Variants in GLIS3 observed in about 807,000 individuals in gnomAD.
The protein encoded by GLIS3 is GLIS family zinc finger 3, also known as zinc finger protein GLIS3.
A neutral mutation model predicts 78.6 loss-of-function variants in GLIS3; 53 were observed. The observed-to-expected ratio is 0.67, with a 90% confidence interval of 0.54 to 0.85. The LOEUF (loss-of-function observed/expected upper bound fraction) is 0.85, where lower values mean the gene tolerates loss of function less well. Among genes scored for constraint, GLIS3 ranks in the 40% least tolerant of loss-of-function variants. GLIS3 has a pLI of 0.00. For synonymous variants in GLIS3, 684 were observed against 509.9 expected (o/e 1.34, Z -4.60); for missense variants, 1,703 against 1,231.1 (o/e 1.38, Z -5.74).
chr9:4,227,777 G>A (rs1167232428), intron 2 of GLIS3, among the ~76,000 whole-genome samples: 1 of 152,208 alleles, frequency 6.6e-6, no homozygotes, highest in Non-Finnish European at 1.5e-5. Flanking sequence ...GAACTCCCTT[G>A]AGGAAGGAAA....
At chr9:3,922,855 T>A (rs1312576921) in intron 6 of GLIS3, among the ~76,000 whole-genome samples, 1 of 152,132 alleles carries the variant, frequency 6.6e-6, no homozygotes, top group Non-Finnish European at 1.5e-5. Flanking sequence ...AAGCTTCAAC[T>A]TTATGGTTGG....
intron 2 of GLIS3, among the ~76,000 whole-genome samples, chr9:4,196,928 C>G (rs147510723): frequency 6.6e-6 from 1 of 152,174 alleles, no homozygotes; most frequent in Admixed American, 6.5e-5. Context: ...CAGTAGGGCC[C>G]TCTCCGCTCC....
At chr9:4,258,706 G>C (rs1002379450) in intron 2 of GLIS3, among the ~76,000 whole-genome samples, 1 of 152,076 alleles carries the variant, frequency 6.6e-6, no homozygotes, top group Non-Finnish European at 1.5e-5. Context: ...GCAGAACTGG[G>C]GGTGATCTTA....
At chr9:4,086,284 A>T (rs553874066) in intron 4 of GLIS3, among the ~76,000 whole-genome samples, 1 of 152,166 alleles carries the variant, frequency 6.6e-6, no homozygotes, top group African/African-American at 2.4e-5. Flanking sequence ...CATGACCTCT[A>T]TGAAACTTCC....
At chr9:4,381,233 T>A in the GLIS3 span, among the ~76,000 whole-genome samples, 3 of 152,216 alleles carry the variant, frequency 2.0e-5, no homozygotes, top group African/African-American at 7.2e-5. Flanking sequence ...CATGAAAATA[T>A]CTTTAAAAAG....
chr9:3,983,424 T>C lies in GLIS3; in HGVS notation c.1711-46235A>G, dbSNP rs570599872. Among the ~76,000 whole-genome samples the C allele has an allele frequency of 2.0e-5, 3 of 152,292 alleles. No individual in the cohort carries two copies. In the East Asian group the frequency reaches 5.8e-4, roughly 29 times the overall value. ...TGGTACCAGCAGAGGGGGGCACTAC[T>C]GTAGATACTTAAAAATGTGGAAGCG... On this transcript the variant is annotated intron_variant, in intron 4 of 10. Transcript: ENST00000381971.
At chr9:4,066,051 AAAAG>A (rs1244705839) in intron 4 of GLIS3, among the ~76,000 whole-genome samples, 1 of 151,756 alleles carries the variant, frequency 6.6e-6, no homozygotes, top group African/African-American at 2.4e-5. Context: ...AAAAAAAAAA[AAAAG>A]AAACAGGCGA....
intron 8 of GLIS3, among the ~76,000 whole-genome samples, chr9:3,857,264 G>A (rs375196339): frequency 6.6e-6 from 1 of 152,210 alleles, no homozygotes; most frequent in African/African-American, 2.4e-5. Flanking sequence ...TAGAAAGACA[G>A]GCTTTGTTTT....
chr9:4,154,238 G>A (rs1349202444), intron 2 of GLIS3, among the ~76,000 whole-genome samples: 2 of 152,152 alleles, frequency 1.3e-5, no homozygotes, highest in African/African-American at 4.8e-5. Context: ...ATTCAAGGGG[G>A]TAGAGAAATA....
rs540872956 is a variant in GLIS3 at position 4,090,474 on chromosome 9, T to C, written c.1710+27294A>G. On this transcript the variant is annotated intron_variant, in intron 4 of 10. Transcript: ENST00000381971. ...AAGTTTAAAAAAAAAAAAAAATTAA[T>C]GAGGCTCTCCAGGCAGAATCAAGTG... 4.6e-4 allele frequency among the ~76,000 whole-genome samples: 69 copies of C among 150,220 alleles called. 1 individual carries two copies. In the South Asian group the frequency reaches 0.014, roughly 30 times the overall value.
At chr9:4,409,619 G>T in the GLIS3 span, among the ~76,000 whole-genome samples, 1 of 152,100 alleles carries the variant, frequency 6.6e-6, no homozygotes, top group Non-Finnish European at 1.5e-5. Flanking sequence ...GATAATTAGA[G>T]AAAATATTGA....
At chr9:4,217,119 A>G (rs753491291) in intron 2 of GLIS3, among the ~76,000 whole-genome samples, 4 of 152,186 alleles carry the variant, frequency 2.6e-5, no homozygotes, top group Non-Finnish European at 5.9e-5. Context: ...GAACAATTAA[A>G]TGCGGTCTGG....
chr9:3,880,595 T>A (rs535032852), intron 7 of GLIS3, among the ~76,000 whole-genome samples: 167 of 152,272 alleles, frequency 1.1e-3, no homozygotes, highest in African/African-American at 3.0e-3. Flanking sequence ...ATGGATTTTT[T>A]AAAAAAATAA....
chr9:3,963,403 G>A (rs1817711666), intron 4 of GLIS3, among the ~76,000 whole-genome samples: 1 of 152,186 alleles, frequency 6.6e-6, no homozygotes. Flanking sequence ...CACTGGCCCT[G>A]CTGGAGATGT....
intron 2 of GLIS3, among the ~76,000 whole-genome samples, chr9:4,231,548 T>G (rs1822255579): frequency 6.6e-6 from 1 of 151,976 alleles, no homozygotes; most frequent in South Asian, 2.1e-4. Context: ...GAAAGATAAA[T>G]CCACATCTAG....
intron 2 of GLIS3, among the ~76,000 whole-genome samples, chr9:4,188,966 T>C (rs1818068162): frequency 6.6e-6 from 1 of 152,222 alleles, no homozygotes; most frequent in South Asian, 2.1e-4. Flanking sequence ...TTCATTAATT[T>C]TCTGAAGGGT....
intron 2 of GLIS3, among the ~76,000 whole-genome samples, chr9:4,273,367 G>A (rs1826692182): frequency 6.6e-6 from 1 of 152,136 alleles, no homozygotes; most frequent in Non-Finnish European, 1.5e-5. Flanking sequence ...GGCTGAGGCA[G>A]GAGGGTCACT....
chr9:4,380,656 G>C, the GLIS3 span, among the ~76,000 whole-genome samples: 100 of 152,320 alleles, frequency 6.6e-4, no homozygotes, highest in Middle Eastern at 3.4e-3. Flanking sequence ...CTACCTGGCT[G>C]ATTCAGAGGC....
the GLIS3 span, among the ~76,000 whole-genome samples, chr9:4,447,171 C>A: frequency 2.6e-5 from 4 of 152,104 alleles, no homozygotes; most frequent in Non-Finnish European, 4.4e-5. Flanking sequence ...CCTTAGCCTC[C>A]CAAGTAGCTG....
Sources: allele counts gnomAD v4.1 joint callset (sites outside exome capture counted in the v4.1 genomes callset), GRCh38; gene constraint gnomAD v4.1.1; transcripts MANE v1.5; gene names NCBI Gene and HGNC (gene_info 2026-07-23, HGNC 2026-07-21).